Variants in XKR9 observed in about 807,000 individuals in gnomAD.
The protein encoded by XKR9 is XK related 9.
XKR9 carries 32 observed loss-of-function variants against 32.0 expected under a neutral mutation model. That is an observed-to-expected ratio of 1.00 (90% CI 0.76 to 1.34). The LOEUF (loss-of-function observed/expected upper bound fraction) is 1.34, where lower values mean the gene tolerates loss of function less well. Ranked by LOEUF, XKR9 falls within the 40% of genes most tolerant of loss-of-function variation. XKR9 has a pLI of 0.00. For synonymous variants in XKR9, 168 were observed against 143.4 expected, an observed-to-expected ratio of 1.17 and a Z score of -1.22; for missense variants, 546 against 429.7, an observed-to-expected ratio of 1.27 and a Z score of -2.39.
chr8:70,972,775 A>G, the XKR9 span, among the ~76,000 whole-genome samples: 1 of 151,998 alleles, frequency 6.6e-6, no homozygotes, highest in Non-Finnish European at 1.5e-5. Context: ...TTATTGACTT[A>G]TGAGTGTTAA....
chr8:70,918,611 G>A, the XKR9 span, among the ~76,000 whole-genome samples: 1 of 151,602 alleles, frequency 6.6e-6, no homozygotes, highest in Non-Finnish European at 1.5e-5. Context: ...AAAACTAAAG[G>A]TTTCCTAGGA....
the XKR9 span, among the ~76,000 whole-genome samples, chr8:70,943,196 T>C: frequency 2.0e-5 from 3 of 152,200 alleles, no homozygotes; most frequent in Non-Finnish European, 2.9e-5. Context: ...TCCCTGCTTA[T>C]CATTCATTCA....
rs1227572645 is a variant in XKR9, at chr8:70,745,001, T to C, written n.352+37848T>C. On this transcript the variant is annotated intron_variant and non_coding_transcript_variant, in intron 2 of 3. Coordinates refer to the XKR9 transcript ENST00000520273. ...GGTAGAGCTGGACTTGTGTCACTGT[T>C]AGCTTGAATAATCCAATTAACAATA... Among the ~76,000 whole-genome samples the C allele has an allele frequency of 2.0e-5, 3 of 150,198 alleles. 1 individual carries two copies. The highest frequency in any genetic ancestry group is 4.5e-5 in the Non-Finnish European group (3 of 67,186).
chr8:70,706,846 A>G (rs1331336746), intron 3 of XKR9, 87 bp from the exon 4 acceptor site: 2 of 1,130,384 alleles, frequency 1.8e-6, no homozygotes, highest in Non-Finnish European at 2.5e-6. Flanking sequence ...TAAAACACAT[A>G]TTCCTTTTTC....
At chr8:71,012,031 G>C in the XKR9 span, among the ~76,000 whole-genome samples, 2 of 120,814 alleles carry the variant, frequency 1.7e-5, no homozygotes, top group South Asian at 4.5e-4. Context: ...GTCATCTATA[G>C]GGGGAAAAAA....
chr8:70,812,396 C>G, the XKR9 span, among the ~76,000 whole-genome samples: 1 of 152,296 alleles, frequency 6.6e-6, no homozygotes, highest in East Asian at 1.9e-4. Flanking sequence ...CAGGGATGCC[C>G]TCTCTCACCA....
chr8:70,796,372 T>C, the XKR9 span, among the ~76,000 whole-genome samples: 1 of 152,160 alleles, frequency 6.6e-6, no homozygotes, highest in Non-Finnish European at 1.5e-5. Flanking sequence ...TTTACAATTG[T>C]TCATTGTTTT....
chr8:70,826,630 C>T, the XKR9 span, among the ~76,000 whole-genome samples: 2 of 152,256 alleles, frequency 1.3e-5, no homozygotes, highest in African/African-American at 4.8e-5. Flanking sequence ...TTCAGACTTT[C>T]CATTTCCCAT....
the XKR9 span, among the ~76,000 whole-genome samples, chr8:70,979,552 G>C: frequency 6.6e-6 from 1 of 152,194 alleles, no homozygotes; most frequent in Admixed American, 6.5e-5. Context: ...CTGTTTTCCT[G>C]GGTATCTCCA....
At chr8:70,924,978 T>G in the XKR9 span, among the ~76,000 whole-genome samples, 19 of 152,194 alleles carry the variant, frequency 1.2e-4, 1 homozygote, top group Admixed American at 1.0e-3. Flanking sequence ...TAATTTTTTT[T>G]GCCCAAGTAA....
chr8:70,898,396 T>C, the XKR9 span, among the ~76,000 whole-genome samples: 1 of 152,200 alleles, frequency 6.6e-6, no homozygotes, highest in Admixed American at 6.5e-5. Context: ...CTTTGGCTAT[T>C]CTGGGTCTTT....
At chr8:70,782,867 A>G (rs1323601162) in intron 2 of XKR9, among the ~76,000 whole-genome samples, 1 of 152,176 alleles carries the variant, frequency 6.6e-6, no homozygotes, top group African/African-American at 2.4e-5. Context: ...GCTATTGTGA[A>G]TAGTGCTGCA....
the XKR9 span, among the ~76,000 whole-genome samples, chr8:70,993,658 CTT>C: frequency 6.6e-6 from 1 of 150,706 alleles, no homozygotes; most frequent in Non-Finnish European, 1.5e-5. Context: ...TCCTTCCTTC[CTT>C]CCTTCCTTCC....
At chr8:71,059,639 C>T in the XKR9 span, among the ~76,000 whole-genome samples, 1 of 152,126 alleles carries the variant, frequency 6.6e-6, no homozygotes, top group Non-Finnish European at 1.5e-5. Flanking sequence ...AACTTGCTCA[C>T]ATTAAAACTG....
chr8:71,025,881 A>G, the XKR9 span, among the ~76,000 whole-genome samples: 1 of 152,022 alleles, frequency 6.6e-6, no homozygotes, highest in African/African-American at 2.4e-5. Flanking sequence ...TTGCCTTCCA[A>G]CCCGGCCCTC....
the XKR9 span, among the ~76,000 whole-genome samples, chr8:70,866,959 T>A: frequency 6.6e-6 from 1 of 152,276 alleles, no homozygotes; most frequent in East Asian, 1.9e-4. Flanking sequence ...ATCATGGAGG[T>A]TAAATCAATT....
chr8:71,046,304 C>T, the XKR9 span, among the ~76,000 whole-genome samples: 8 of 152,126 alleles, frequency 5.3e-5, no homozygotes, highest in Middle Eastern at 3.2e-3. Context: ...TCTGAAAGGG[C>T]GGTGCAGGGG....
the XKR9 span, among the ~76,000 whole-genome samples, chr8:70,827,889 A>G: frequency 6.6e-6 from 1 of 152,208 alleles, no homozygotes; most frequent in Non-Finnish European, 1.5e-5. Context: ...GGAACTTTCC[A>G]TTTTTATCAC....
chr8:71,044,978 G>C, the XKR9 span, among the ~76,000 whole-genome samples: 2 of 152,174 alleles, frequency 1.3e-5, no homozygotes, highest in Non-Finnish European at 2.9e-5. Context: ...GGATTTCTGA[G>C]ACAAAGGTCT....
Sources: gnomAD v4.1 joint callset for allele counts (sites outside exome capture counted in the v4.1 genomes callset) on GRCh38, gnomAD v4.1.1 for gene constraint, MANE v1.5 for transcripts, NCBI Gene and HGNC (gene_info 2026-07-23, HGNC 2026-07-21) for gene names.